LILRB1: variants seen among roughly 807,000 people sequenced by gnomAD.
LILRB1 encodes the protein leukocyte immunoglobulin like receptor B1.
LILRB1 carries 59 observed loss-of-function variants against 74.6 expected under a neutral mutation model. That is an observed-to-expected ratio of 0.79 (90% CI 0.64 to 0.98). LILRB1 has a LOEUF of 0.98. Among genes scored for constraint, LILRB1 ranks in the 50% least tolerant of loss-of-function variants. The pLI, the probability that LILRB1 is intolerant of heterozygous loss-of-function variation, is 0.00. For synonymous variants in LILRB1, 328 were observed against 333.9 expected, an observed-to-expected ratio of 0.98 and a Z score of 0.19; for missense variants, 804 against 822.6, an observed-to-expected ratio of 0.98 and a Z score of 0.28.
chr19:54,630,194 A>G (rs2063727865), upstream of LILRB1, among the ~76,000 whole-genome samples: 1 of 152,286 alleles, frequency 6.6e-6, no homozygotes. Context: ...GCAGTGGATG[A>G]TAACCAGTCG....
chr19:54,634,464 G>A (rs1014127296), intron 9 of LILRB1, 177 bp from the exon 10 acceptor site: 6 of 1,510,444 alleles, frequency 4.0e-6, no homozygotes, highest in Middle Eastern at 1.9e-4. Context: ...CCGGGCAGGC[G>A]ATTCCCCTCT....
At chr19:54,636,213 G>C (rs552838220) in intron 13 of LILRB1, 2 of 608,116 alleles carry the variant, frequency 3.3e-6, no homozygotes, top group African/African-American at 1.8e-5. Context: ...TCTGATGGAC[G>C]AGCCCCTGCA....
chr19:54,629,540 C>T (rs1336823531), upstream of LILRB1, among the ~76,000 whole-genome samples: 4 of 152,170 alleles, frequency 2.6e-5, no homozygotes, highest in East Asian at 1.9e-4. Context: ...GTGTTTAGTG[C>T]TTCTTTCTTT....
intron 13 of LILRB1, chr19:54,636,147 G>T: frequency 1.7e-6 from 1 of 572,514 alleles, no homozygotes; most frequent in Non-Finnish European, 3.4e-6. Context: ...TGGAAGGGGA[G>T]GGCTGTCTGC....
In LILRB1 at chr19:54,633,320, T is replaced by TG; in HGVS notation, c.1261+7dup. Reference sequence around the variant, plus strand: ...ACCCCCTGGAGCTCGTGGTCTCAGGTGGGGGCCTTGACCCTGTCCTCTCTG... The same window carrying TG: ...ACCCCCTGGAGCTCGTGGTCTCAGGTGGGGGGCCTTGACCCTGTCCTCTCTG... On this transcript the variant is annotated splice_region_variant and intron_variant, in intron 7 of 14. Coordinates refer to ENST00000324602, the MANE Select transcript of LILRB1 (RefSeq NM_001081637.3). 6.2e-7 allele frequency: 1 copy of TG among 1,613,124 alleles called. No homozygotes were observed. Among genetic ancestry groups the TG allele is most frequent in the South Asian group, 1.1e-5 (1 of 91,022 alleles).
upstream of LILRB1, among the ~76,000 whole-genome samples, chr19:54,628,931 T>C (rs2063674048): frequency 1.3e-5 from 2 of 152,190 alleles, no homozygotes; most frequent in African/African-American, 4.8e-5. Context: ...TAACAAGGGC[T>C]ATGGAGCTAT....
In LILRB1 at chr19:54,636,962, C is replaced by A; in HGVS notation, c.*84C>A. 6.4e-7 allele frequency: 1 copy of A among 1,564,336 alleles called. No individual in the cohort carries two copies. The highest frequency in any genetic ancestry group is 8.7e-7 in the Non-Finnish European group (1 of 1,145,050). On this transcript the variant is annotated 3_prime_UTR_variant, in exon 15 of 15. Coordinates refer to ENST00000324602, the MANE Select transcript of LILRB1 (RefSeq NM_001081637.3). ...CCCCAGTGGACACCATTGGACCCCA[C>A]CCAGCCTGGATCTACCCCAGGAGAC...
intron 1 of LILRB1, among the ~76,000 whole-genome samples, chr19:54,619,966 T>TC (rs1370601450): frequency 3.3e-5 from 5 of 151,348 alleles, no homozygotes; most frequent in African/African-American, 1.2e-4. Context: ...TTTTTTTTTT[T>TC]CACTTGAAAT....
chr19:54,619,953 C>T (rs764478423), intron 1 of LILRB1, among the ~76,000 whole-genome samples: 1 of 30,790 alleles, frequency 3.2e-5, no homozygotes, highest in African/African-American at 9.2e-5. Context: ...TGTTAAACCT[C>T]GTTTTTTTTT....
upstream of LILRB1, among the ~76,000 whole-genome samples, chr19:54,628,922 A>T (rs1168344520): frequency 6.6e-6 from 1 of 152,238 alleles, no homozygotes; most frequent in Non-Finnish European, 1.5e-5. Flanking sequence ...AAAAGACTGT[A>T]ACAAGGGCTA....
chr19:54,629,931 A>C (rs1179727204), upstream of LILRB1, among the ~76,000 whole-genome samples: 1 of 149,962 alleles, frequency 6.7e-6, no homozygotes, highest in African/African-American at 2.5e-5. Flanking sequence ...TCTATCCATT[A>C]GGGTCAGATG....
At chr19:54,630,860 T>C (rs894205405) in intron 1 of LILRB1, 166 bp from the exon 2 acceptor site, 41 of 683,736 alleles carry the variant, frequency 6.0e-5, no homozygotes, top group Non-Finnish European at 7.9e-5. Flanking sequence ...TCTGAAATGA[T>C]GCAGAGGGCC....
intron 13 of LILRB1, chr19:54,636,213 G>T: frequency 1.6e-6 from 1 of 608,116 alleles, no homozygotes; most frequent in Non-Finnish European, 3.0e-6. Context: ...TCTGATGGAC[G>T]AGCCCCTGCA....
Position 54,632,545 on chromosome 19 carries a change from C to G in LILRB1, c.743C>G (p.Ser248Cys). Residue 248 changes from serine (S) to cysteine (C), a missense_variant, in exon 6 of 15, where the codon TCT becomes TGT. Coordinates refer to ENST00000324602, the MANE Select transcript of LILRB1 (RefSeq NM_001081637.3). ...GAGACCCTGACTCTGCAGTGTGGCT[C>G]TGATGCTGGCTACAACAGATTTGTT... ...PEETLTLQCG[S>C]DAGYNRFVLY... 4.3e-6 allele frequency: 7 copies of G among 1,614,138 alleles called. No individual in the cohort carries two copies. The highest frequency in any genetic ancestry group is 1.1e-5 in the South Asian group (1 of 91,082).
chr19:54,634,913 A>G, intron 10 of LILRB1, 150 bp downstream of exon 10: 1 of 1,478,948 alleles, frequency 6.8e-7, no homozygotes, highest in Non-Finnish European at 9.2e-7. Context: ...CCATCTACAA[A>G]TGTAAAGTGT....
At chr19:54,622,387 T>A (rs1202009794) in intron 1 of LILRB1, among the ~76,000 whole-genome samples, 1 of 152,226 alleles carries the variant, frequency 6.6e-6, no homozygotes. Context: ...TGTCACTCTC[T>A]GTGTAGAGGT....
intron 1 of LILRB1, among the ~76,000 whole-genome samples, chr19:54,623,120 C>T (rs57772408): frequency 0.72 from 109,742 of 151,992 alleles, 40,139 homozygotes; most frequent in African/African-American, 0.78. Flanking sequence ...TGGCCTGTAG[C>T]TTTATTTTTC....
chr19:54,619,986 T>G (rs899289572), intron 1 of LILRB1, among the ~76,000 whole-genome samples: 1 of 150,644 alleles, frequency 6.6e-6, no homozygotes, highest in Non-Finnish European at 1.5e-5. Context: ...TTTGGGTTAC[T>G]AAATTAAAAT....
At chr19:54,626,315 G>C (rs925775786), upstream of LILRB1, among the ~76,000 whole-genome samples, 3 of 152,124 alleles carry the variant, frequency 2.0e-5, no homozygotes, top group African/African-American at 7.2e-5. Flanking sequence ...TCATAGTTAA[G>C]ACATTGATGT....
Sources: gnomAD v4.1 joint callset for allele counts (sites outside exome capture counted in the v4.1 genomes callset) on GRCh38, gnomAD v4.1.1 for gene constraint, MANE v1.5 for transcripts, NCBI Gene and HGNC (gene_info 2026-07-23, HGNC 2026-07-21) for gene names.